Variants in GABRA1 observed in about 807,000 individuals in gnomAD.
The protein encoded by GABRA1 is gamma-aminobutyric acid type A receptor subunit alpha1.
GABRA1 carries 9 observed loss-of-function variants against 48.9 expected under a neutral mutation model. The observed-to-expected ratio is 0.18, with a 90% CI of 0.11 to 0.32. The LOEUF (loss-of-function observed/expected upper bound fraction) is 0.32, where lower values mean the gene tolerates loss of function less well. Among genes scored for constraint, GABRA1 ranks in the 10% least tolerant of loss-of-function variants. The pLI is 1.00. For synonymous variants in GABRA1, 210 were observed against 198.7 expected (o/e 1.06, Z -0.48); for missense variants, 285 against 553.8 (o/e 0.51, Z 4.87).
intron 3 of GABRA1, among the ~76,000 whole-genome samples, chr5:161,858,230 G>T (rs180804344): frequency 6.6e-6 from 1 of 151,230 alleles, no homozygotes; most frequent in African/African-American, 2.4e-5. Context: ...CTCTTTGCCC[G>T]TATTATAATA....
At chr5:161,848,665 G>A (rs978858673) in intron 1 of GABRA1, 9 of 257,500 alleles carry the variant, frequency 3.5e-5, no homozygotes, top group South Asian at 2.5e-4. Flanking sequence ...CAATATAAGA[G>A]CATTATTATT....
At position 161,893,048 on chromosome 5, in the gene GABRA1, T is replaced by TAATAATA. The variant is rs5872733; in HGVS notation, c.856+2000_856+2001insTAATAAA. Among the ~76,000 whole-genome samples the TAATAATA allele has an allele frequency of 1.9e-3, 267 of 142,006 alleles. 2 individuals carry two copies. The highest frequency in any genetic ancestry group is 6.5e-3 in the African/African-American group (248 of 38,164). 93.2% of individuals were successfully genotyped at this position (142,006 alleles called of 152,430 possible). ...ATAATAATAATAATAATAATAATAA[T>TAATAATA]AAAATAAACACAGGACATATTTATG... On this transcript the variant is annotated intron_variant, in intron 8 of 9. Transcript: ENST00000393943.
intron 6 of GABRA1, among the ~76,000 whole-genome samples, chr5:161,878,950 T>C (rs536057455): frequency 6.6e-6 from 1 of 152,176 alleles, no homozygotes; most frequent in Non-Finnish European, 1.5e-5. Flanking sequence ...AATCATTTTG[T>C]TCATGTGGCT....
At chr5:161,856,579 C>G (rs201605967) in intron 3 of GABRA1, among the ~76,000 whole-genome samples, 1 of 151,312 alleles carries the variant, frequency 6.6e-6, no homozygotes, top group South Asian at 2.1e-4. Flanking sequence ...AATATTTTCT[C>G]TATTTTTATT....
At chr5:161,871,478 C>T (rs1754118922) in intron 4 of GABRA1, among the ~76,000 whole-genome samples, 1 of 152,178 alleles carries the variant, frequency 6.6e-6, no homozygotes, top group African/African-American at 2.4e-5. Flanking sequence ...AAAACCTGCA[C>T]ATCCTGAGGT....
intron 4 of GABRA1, among the ~76,000 whole-genome samples, chr5:161,869,967 A>C (rs1581194439): frequency 6.6e-6 from 1 of 152,204 alleles, no homozygotes. Context: ...ATGACCAGCT[A>C]CATAAAAACC....
At chr5:161,878,238 C>A (rs1386898627) in intron 6 of GABRA1, among the ~76,000 whole-genome samples, 2 of 152,126 alleles carry the variant, frequency 1.3e-5, no homozygotes, top group Non-Finnish European at 2.9e-5. Flanking sequence ...TGAAACAGAG[C>A]AGACTAGACA....
At chr5:161,850,363 A>T in intron 1 of GABRA1, 1 of 362,324 alleles carries the variant, frequency 2.8e-6, no homozygotes, top group Non-Finnish European at 4.9e-6. Context: ...ATCCCTAAAT[A>T]TGTTCTTCCT....
chr5:161,877,016 G>T (rs192324846), intron 6 of GABRA1, among the ~76,000 whole-genome samples: 2 of 152,028 alleles, frequency 1.3e-5, no homozygotes, highest in Non-Finnish European at 2.9e-5. Context: ...CTCACTGCAG[G>T]CTTGACCCCC....
rs1424659316 is a variant in GABRA1 at position 161,897,279 on chromosome 5, A to G, written c.1228A>G (p.Lys410Glu). The G allele has an allele frequency of 1.2e-6, 2 of 1,614,056 alleles. No homozygotes were observed. The highest frequency in any genetic ancestry group is 1.3e-5 in the African/African-American group (1 of 74,934). Residue 410 changes from lysine (K) to glutamate (E), a missense_variant, in exon 10 of 10, where the codon AAG becomes GAG. By Grantham distance (56) the Lys-to-Glu change is moderately conservative. Transcript: ENST00000393943. ...VKPETKPPEPKKTFNSVSKID... is the reference protein window; with the variant it reads ...VKPETKPPEPEKTFNSVSKID... ...GCCCGAAACAAAACCACCAGAACCC[A>G]AGAAAACCTTTAACAGTGTCAGCAA...
At chr5:161,866,388 T>C (rs1753848803) in intron 4 of GABRA1, among the ~76,000 whole-genome samples, 7 of 152,098 alleles carry the variant, frequency 4.6e-5, no homozygotes, top group Admixed American at 3.3e-4. Context: ...ATTTCTCTTC[T>C]GTCTGATGGG....
chr5:161,896,209 G>A (rs1026539345), intron 9 of GABRA1, among the ~76,000 whole-genome samples: 3 of 152,092 alleles, frequency 2.0e-5, no homozygotes, highest in Non-Finnish European at 4.4e-5. Context: ...TATTTACCAA[G>A]TGCGTTATAA....
At chr5:161,851,449 A>G (rs1330078317) in intron 2 of GABRA1, among the ~76,000 whole-genome samples, 1 of 152,162 alleles carries the variant, frequency 6.6e-6, no homozygotes, top group Non-Finnish European at 1.5e-5. Context: ...TTCCCTATTA[A>G]AAAAACAATT....
chr5:161,894,047 TA>T (rs1190981048), intron 8 of GABRA1, among the ~76,000 whole-genome samples: 1 of 152,148 alleles, frequency 6.6e-6, no homozygotes, highest in South Asian at 2.1e-4. Flanking sequence ...AAGATTTTTT[TA>T]AAAAAATTGA....
intron 9 of GABRA1, among the ~76,000 whole-genome samples, chr5:161,896,396 G>A (rs556972071): frequency 6.3e-4 from 96 of 152,192 alleles, no homozygotes; most frequent in Non-Finnish European, 1.2e-3. Context: ...ATGCTTTAGG[G>A]ATCATAACAC....
intron 3 of GABRA1, among the ~76,000 whole-genome samples, chr5:161,862,470 T>C (rs1348608584): frequency 6.6e-6 from 1 of 151,980 alleles, no homozygotes; most frequent in African/African-American, 2.4e-5. Flanking sequence ...TAAAGTCTCA[T>C]TTCAAGTTTT....
intron 7 of GABRA1, among the ~76,000 whole-genome samples, chr5:161,883,822 T>A (rs999556160): frequency 1.3e-5 from 2 of 152,160 alleles, no homozygotes; most frequent in Non-Finnish European, 2.9e-5. Flanking sequence ...AGGATCTGTC[T>A]CTTGCTTGCT....
chr5:161,865,027 C>T (rs1757999655), intron 3 of GABRA1, among the ~76,000 whole-genome samples: 1 of 151,832 alleles, frequency 6.6e-6, no homozygotes, highest in Non-Finnish European at 1.5e-5. Context: ...TGTCTGTGTT[C>T]AGTTATTATA....
At chr5:161,854,372 A>G (rs1167679548) in intron 3 of GABRA1, 102 bp downstream of exon 3, 1 of 735,906 alleles carries the variant, frequency 1.4e-6, no homozygotes, top group Non-Finnish European at 2.5e-6. Context: ...AAATGGTGAC[A>G]TGTAATTTAA....
Sources: allele counts gnomAD v4.1 joint callset (sites outside exome capture counted in the v4.1 genomes callset), GRCh38; gene constraint gnomAD v4.1.1; transcripts MANE v1.5; gene names NCBI Gene and HGNC (gene_info 2026-07-23, HGNC 2026-07-21).